The following OSTC variants were observed in gnomAD, a reference collection of about 807,000 sequenced individuals.
The protein encoded by OSTC is oligosaccharyltransferase complex non-catalytic subunit.
Under a neutral mutation model 16.4 loss-of-function variants are expected in OSTC, and 16 were observed. The ratio of observed to expected loss-of-function variants is 0.98; its 90% confidence interval spans 0.66 to 1.49. The LOEUF is 1.49. OSTC is among the 40% of genes most tolerant of loss of function. The pLI is 0.00. For missense variants in OSTC, 139 were observed against 186.3 expected, an observed-to-expected ratio of 0.75 and a Z score of 1.48; for synonymous variants, 67 against 68.5, an observed-to-expected ratio of 0.98 and a Z score of 0.11.
rs1726747405 is a variant in OSTC at position 108,657,741 on chromosome 4, A to G, written c.431+94A>G. ...TCATAGGACATTTAATTTAACTTTC[A>G]TTTACATGGGTGAAAAATCCAGAAA... On this transcript the variant is annotated intron_variant, in intron 3 of 3. Coordinates refer to ENST00000361564, the MANE Select transcript of OSTC (RefSeq NM_021227.4). 4 of 1,148,246 alleles carry G rather than the reference A, an allele frequency of 3.5e-6. No homozygotes were observed. In the East Asian group the frequency reaches 1.0e-4, roughly 29 times the overall value. 71.1% of individuals were successfully genotyped at this position (1,148,246 alleles called of 1,614,324 possible).
At position 108,659,048 on chromosome 4, in the gene OSTC, G is replaced by A. The variant is rs544060152; in HGVS notation, c.431+1401G>A. Among the ~76,000 whole-genome samples, 110 of 45,178 alleles carry A rather than the reference G, an allele frequency of 2.4e-3. 1 individual carries two copies. The highest frequency in any genetic ancestry group is 3.9e-3 in the Non-Finnish European group (94 of 23,944). 29.6% of individuals were successfully genotyped at this position (45,178 alleles called of 152,430 possible). ...GGCTGGAGTGCAGTGGTGCAATCTC[G>A]GCTCACTGCAACCTCCGCCTCCCAG... On this transcript the variant is annotated intron_variant, in intron 3 of 3. Transcript: ENST00000361564.
chr4:108,660,039 A>C (rs1420517065), intron 3 of OSTC, among the ~76,000 whole-genome samples: 3 of 152,210 alleles, frequency 2.0e-5, no homozygotes, highest in African/African-American at 7.2e-5. Context: ...CTGACAGAAA[A>C]GCTTTGACAA....
chr4:108,664,293 A>G (rs1330786821), intron 3 of OSTC, among the ~76,000 whole-genome samples: 2 of 152,194 alleles, frequency 1.3e-5, no homozygotes, highest in South Asian at 2.1e-4. Context: ...ATATATAGCT[A>G]TATTAAGAGA....
chr4:108,659,268 C>T (rs1297757488), intron 3 of OSTC, among the ~76,000 whole-genome samples: 1 of 151,974 alleles, frequency 6.6e-6, no homozygotes, highest in Non-Finnish European at 1.5e-5. Context: ...GTGTGAGCCA[C>T]TGTGCCCGGC....
intron 3 of OSTC, among the ~76,000 whole-genome samples, chr4:108,658,912 C>A (rs1726780998): frequency 1.4e-5 from 2 of 145,268 alleles, no homozygotes; most frequent in Admixed American, 6.9e-5. Flanking sequence ...GCATGGAGTT[C>A]TTTGTCAGCT....
chr4:108,661,732 G>A (rs893185808), intron 3 of OSTC, among the ~76,000 whole-genome samples: 4 of 152,074 alleles, frequency 2.6e-5, no homozygotes. Context: ...CGAGTAGCTG[G>A]GATTACAGGC....
intron 3 of OSTC, among the ~76,000 whole-genome samples, chr4:108,666,274 A>G (rs1726998954): frequency 6.6e-6 from 1 of 152,216 alleles, no homozygotes; most frequent in African/African-American, 2.4e-5. Flanking sequence ...GTTTCTTTAC[A>G]TAAAAAAAAT....
chr4:108,666,110 G>A (rs1726994284), intron 3 of OSTC, among the ~76,000 whole-genome samples: 1 of 152,254 alleles, frequency 6.6e-6, no homozygotes, highest in African/African-American at 2.4e-5. Flanking sequence ...GCTCCTAACT[G>A]TTATCCAGAC....
At position 108,666,580 on chromosome 4, in the gene OSTC, G is replaced by A. The variant is rs571653972; in HGVS notation, c.432-667G>A. Among the ~76,000 whole-genome samples the A allele has an allele frequency of 7.9e-5, 12 of 151,852 alleles. No individual in the cohort carries two copies. In the East Asian group the frequency reaches 9.7e-4, roughly 12 times the overall value. ...GAAAAAGTTAGCTGGGCGTGGTGGC[G>A]GTCACCTGTAATCCCAGCTACTTGG... On this transcript the variant is annotated intron_variant, in intron 3 of 3. Transcript: ENST00000361564.
chr4:108,650,795 G>A lies in OSTC; in HGVS notation c.139+1G>A. ...GTGTCTTACTTCCTCATCACCGGAG[G>A]TAACTCGGGCTGTCGGGCCCGAGAG... On this transcript the variant is annotated splice_donor_variant, in intron 1 of 3. Coordinates refer to ENST00000361564, the MANE Select transcript of OSTC (RefSeq NM_021227.4). LOFTEE classifies it high-confidence loss of function. The A allele has an allele frequency of 6.2e-7, 1 of 1,614,114 alleles. No homozygotes were observed. Among genetic ancestry groups the A allele is most frequent in the Non-Finnish European group, 8.5e-7 (1 of 1,179,996 alleles).
At chr4:108,667,102 C>T (rs968261490) in intron 3 of OSTC, 145 bp from the exon 4 acceptor site, 1 of 622,312 alleles carries the variant, frequency 1.6e-6, no homozygotes, top group Non-Finnish European at 2.7e-6. Context: ...AAATAAGGAC[C>T]ATAATAAAGA....
chr4:108,651,280 C>T (rs1162973943), intron 1 of OSTC: 1 of 158,096 alleles, frequency 6.3e-6, no homozygotes, highest in Non-Finnish European at 1.4e-5. Flanking sequence ...AGAGACTTGA[C>T]AATCTTTAGT....
chr4:108,650,968 C>T (rs1726520128), intron 1 of OSTC, 174 bp downstream of exon 1: 11 of 831,614 alleles, frequency 1.3e-5, no homozygotes, highest in Admixed American at 8.6e-5. Flanking sequence ...AGTTTATTCG[C>T]CTTCACGCCC....
intron 3 of OSTC, among the ~76,000 whole-genome samples, chr4:108,660,978 A>T (rs997660839): frequency 6.6e-6 from 1 of 152,168 alleles, no homozygotes; most frequent in Non-Finnish European, 1.5e-5. Flanking sequence ...GCATTTTGGG[A>T]GGCCGAGGTG....
chr4:108,655,423 G>A (rs920961319), intron 1 of OSTC, 141 bp from the exon 2 acceptor site: 11 of 492,922 alleles, frequency 2.2e-5, no homozygotes, highest in Middle Eastern at 5.4e-4. Context: ...GCCAAGTGGC[G>A]CCACTGCACT....
chr4:108,662,137 T>C (rs1460294350), intron 3 of OSTC, among the ~76,000 whole-genome samples: 3 of 152,188 alleles, frequency 2.0e-5, no homozygotes, highest in Non-Finnish European at 4.4e-5. Flanking sequence ...CTAGTGTTTA[T>C]TAAGCTTGAG....
At chr4:108,661,217 C>CAAAAAAA (rs34609606) in intron 3 of OSTC, among the ~76,000 whole-genome samples, 6 of 103,300 alleles carry the variant, frequency 5.8e-5, no homozygotes, top group Non-Finnish European at 7.9e-5. Context: ...GACTCCATCT[C>CAAAAAAA]AAAAAAAAAA....
intron 3 of OSTC, among the ~76,000 whole-genome samples, chr4:108,658,818 C>T (rs1233835638): frequency 1.3e-5 from 2 of 151,998 alleles, no homozygotes; most frequent in African/African-American, 4.8e-5. Context: ...GTCTGTAACA[C>T]ACCTGGGGTA....
chr4:108,650,639 C>G lies in OSTC; in HGVS notation c.-17C>G. ...GCGTGGGGCTTGAGGCCGAGAACGG[C>G]CCTTGCTGCCACCAACATGGAGACT... On this transcript the variant is annotated 5_prime_UTR_variant, in exon 1 of 4. Coordinates refer to ENST00000361564, the MANE Select transcript of OSTC (RefSeq NM_021227.4). 2 of 1,613,792 alleles carry G rather than the reference C, an allele frequency of 1.2e-6. No individual in the cohort carries two copies. Among genetic ancestry groups the G allele is most frequent in the Non-Finnish European group, 1.7e-6 (2 of 1,179,746 alleles).
Sources: allele counts gnomAD v4.1 joint callset (sites outside exome capture counted in the v4.1 genomes callset), GRCh38; gene constraint gnomAD v4.1.1; transcripts MANE v1.5; gene names NCBI Gene and HGNC (gene_info 2026-07-23, HGNC 2026-07-21).